The following ADAMTSL1 variants were observed in gnomAD, a reference collection of about 807,000 sequenced individuals.
ADAMTSL1 encodes ADAMTS-like protein 1.
In ADAMTSL1, 126 loss-of-function variants were observed where a neutral mutation model predicts 201.8. That is an observed-to-expected ratio of 0.62 (90% CI 0.54 to 0.72). The LOEUF is 0.72. Ranked by LOEUF, ADAMTSL1 falls within the 30% of genes least tolerant of loss-of-function variation. The pLI, the probability that ADAMTSL1 is intolerant of heterozygous loss-of-function variation, is 0.00. For missense variants in ADAMTSL1, 2,679 were observed against 2,277.8 expected (o/e 1.18, Z -3.59); for synonymous variants, 1,121 against 903.4 (o/e 1.24, Z -4.32).
intron 3 of ADAMTSL1, among the ~76,000 whole-genome samples, chr9:18,568,023 C>T (rs1822044484): frequency 6.6e-6 from 1 of 152,118 alleles, no homozygotes; most frequent in African/African-American, 2.4e-5. Flanking sequence ...TGAATGTGAT[C>T]TCTCTTTCAT....
chr9:18,393,166 T>C (rs951206838), intron 2 of ADAMTSL1, among the ~76,000 whole-genome samples: 5 of 152,212 alleles, frequency 3.3e-5, no homozygotes, highest in African/African-American at 1.2e-4. Flanking sequence ...TTACTCCAAC[T>C]TACACAGTCT....
chr9:18,857,049 T>C lies in ADAMTSL1; in HGVS notation c.4249+27072T>C, dbSNP rs919524261. Among the ~76,000 whole-genome samples, 40 of 152,292 alleles carry C rather than the reference T, an allele frequency of 2.6e-4. 1 individual carries two copies. The highest frequency in any genetic ancestry group is 2.6e-3 in the Admixed American group (40 of 15,286). On this transcript the variant is annotated intron_variant, in intron 23 of 28. Coordinates refer to ENST00000380548, the MANE Select transcript of ADAMTSL1 (RefSeq NM_001040272.6). ...AGGTCTCAGTGGATAGAGCAGGTTT[T>C]TTTTCCTTTCTTTTCACATGTTCTA...
chr9:18,827,334 A>G (rs942781052), intron 22 of ADAMTSL1, among the ~76,000 whole-genome samples: 1 of 152,158 alleles, frequency 6.6e-6, no homozygotes, highest in Non-Finnish European at 1.5e-5. Context: ...AACATACATT[A>G]CAGACTTCCT....
intron 1 of ADAMTSL1, among the ~76,000 whole-genome samples, chr9:18,020,163 A>C (rs1038419980): frequency 2.0e-5 from 3 of 152,044 alleles, no homozygotes; most frequent in African/African-American, 7.2e-5. Flanking sequence ...CCTTGGAAGT[A>C]GATGGATGTA....
intron 1 of ADAMTSL1, among the ~76,000 whole-genome samples, chr9:18,068,039 T>C (rs1822787957): frequency 6.6e-6 from 1 of 151,986 alleles, no homozygotes; most frequent in South Asian, 2.1e-4. Flanking sequence ...TTTCTGGAAG[T>C]TGTTAGTAAT....
At chr9:17,928,180 T>G (rs1198219959) in intron 1 of ADAMTSL1, among the ~76,000 whole-genome samples, 1 of 151,972 alleles carries the variant, frequency 6.6e-6, no homozygotes, top group Non-Finnish European at 1.5e-5. Context: ...GTGTTTTTAG[T>G]AGAGACAGGG....
At position 17,972,484 on chromosome 9, in the gene ADAMTSL1, G is replaced by A. The variant is rs1563926705; in HGVS notation, c.87+65562G>A. Among the ~76,000 whole-genome samples, 5 of 151,550 alleles carry A rather than the reference G, an allele frequency of 3.3e-5. No homozygotes were observed. The South Asian group carries it at 1.0e-3, about 32-fold the overall frequency. On this transcript the variant is annotated intron_variant, in intron 1 of 29. Transcript: ENST00000680146. ...CAGTTTCATCCATGTCCCTACAAAG[G>A]ACATGAACTCATCATTTTTTATGGC...
intron 2 of ADAMTSL1, among the ~76,000 whole-genome samples, chr9:18,447,116 G>A (rs914276656): frequency 6.6e-6 from 1 of 152,108 alleles, no homozygotes; most frequent in African/African-American, 2.4e-5. Flanking sequence ...TTTGAACTCT[G>A]TTTACCACAA....
chr9:18,472,929 C>T (rs1198459443), upstream of ADAMTSL1, among the ~76,000 whole-genome samples: 1 of 152,168 alleles, frequency 6.6e-6, no homozygotes, highest in Non-Finnish European at 1.5e-5. Context: ...ACATTTGACA[C>T]TTTTCTAAAA....
intron 2 of ADAMTSL1, among the ~76,000 whole-genome samples, chr9:18,507,524 C>T (rs1253208157): frequency 2.0e-5 from 3 of 152,120 alleles, no homozygotes; most frequent in Non-Finnish European, 4.4e-5. Context: ...AAAGTAATTG[C>T]AGTTTTTGCT....
chr9:18,553,210 CTTTT>C (rs35874115), intron 3 of ADAMTSL1, among the ~76,000 whole-genome samples: 2 of 135,884 alleles, frequency 1.5e-5, no homozygotes, highest in South Asian at 2.3e-4. Flanking sequence ...TAGTCCCAGT[CTTTT>C]TTTTTTTTTT....
chr9:18,667,255 A>G (rs188058122), intron 9 of ADAMTSL1, among the ~76,000 whole-genome samples: 1 of 150,490 alleles, frequency 6.6e-6, no homozygotes, highest in Admixed American at 6.6e-5. Context: ...GTTTCACAGT[A>G]AATTGCATAA....
chr9:17,957,084 C>A (rs535196352), intron 1 of ADAMTSL1, among the ~76,000 whole-genome samples: 2 of 152,124 alleles, frequency 1.3e-5, no homozygotes, highest in Non-Finnish European at 1.5e-5. Flanking sequence ...ATTAGAAACG[C>A]TCCGGTATTG....
At chr9:18,181,783 C>G (rs1290224677) in intron 2 of ADAMTSL1, among the ~76,000 whole-genome samples, 2 of 151,710 alleles carry the variant, frequency 1.3e-5, no homozygotes, top group African/African-American at 4.8e-5. Context: ...CATCCCATTA[C>G]TGGGTATATA....
chr9:18,589,903 C>T (rs1287099015), intron 4 of ADAMTSL1, among the ~76,000 whole-genome samples: 1 of 152,136 alleles, frequency 6.6e-6, no homozygotes. Context: ...CCTTGCATCC[C>T]TGGAATTATT....
chr9:18,655,263 T>C (rs1004515202), intron 7 of ADAMTSL1, among the ~76,000 whole-genome samples: 1 of 152,202 alleles, frequency 6.6e-6, no homozygotes, highest in Admixed American at 6.5e-5. Flanking sequence ...CCCATACACA[T>C]TTCTATGGCC....
chr9:18,456,408 T>C (rs990930957), intron 2 of ADAMTSL1, among the ~76,000 whole-genome samples: 1 of 152,130 alleles, frequency 6.6e-6, no homozygotes, highest in African/African-American at 2.4e-5. Context: ...CTTGATTGCT[T>C]GGTCCACTAG....
At chr9:18,037,785 A>G (rs544004400) in intron 1 of ADAMTSL1, among the ~76,000 whole-genome samples, 3 of 152,332 alleles carry the variant, frequency 2.0e-5, no homozygotes, top group African/African-American at 4.8e-5. Flanking sequence ...ATTGTTCCAT[A>G]TAAGAGAAAT....
chr9:18,085,655 CTG>C (rs1295843360), intron 1 of ADAMTSL1, among the ~76,000 whole-genome samples: 8 of 144,358 alleles, frequency 5.5e-5, no homozygotes, highest in South Asian at 2.1e-4. Context: ...TACATATACT[CTG>C]TGTGTGTGTA....
Sources: allele counts gnomAD v4.1 joint callset (sites outside exome capture counted in the v4.1 genomes callset), GRCh38; gene constraint gnomAD v4.1.1; transcripts MANE v1.5; gene names NCBI Gene and HGNC (gene_info 2026-07-23, HGNC 2026-07-21).